CHN1: variants seen among roughly 807,000 people sequenced by gnomAD.
CHN1 encodes N-chimaerin.
CHN1 carries 37 observed loss-of-function variants against 59.5 expected under a neutral mutation model. The ratio of observed to expected loss-of-function variants is 0.62; its 90% CI spans 0.48 to 0.82. The LOEUF is 0.82. Ranked by LOEUF, CHN1 falls within the 40% of genes least tolerant of loss-of-function variation. The pLI, the probability that CHN1 is intolerant of heterozygous loss-of-function variation, is 0.00. For synonymous variants in CHN1, 206 were observed against 200.4 expected (o/e 1.03, Z -0.24); for missense variants, 469 against 571.0 (o/e 0.82, Z 1.82).
At chr2:174,892,509 G>C (rs1316179195) in intron 5 of CHN1, among the ~76,000 whole-genome samples, 1 of 152,168 alleles carries the variant, frequency 6.6e-6, no homozygotes, top group African/African-American at 2.4e-5. Context: ...GATGCCAGTA[G>C]TATGAGAAAT....
chr2:174,812,253 G>C, intron 9 of CHN1, 56 bp downstream of exon 9: 2 of 1,488,078 alleles, frequency 1.3e-6, no homozygotes, highest in Non-Finnish European at 1.8e-6. Flanking sequence ...AAAGGCATCA[G>C]GATTGGTACT....
intron 6 of CHN1, among the ~76,000 whole-genome samples, chr2:174,848,420 G>A (rs986880453): frequency 1.3e-5 from 2 of 152,128 alleles, no homozygotes; most frequent in African/African-American, 4.8e-5. Context: ...TCACTAAGGT[G>A]CTACAGGATG....
intron 8 of CHN1, chr2:174,821,857 C>T: frequency 3.0e-6 from 1 of 332,006 alleles, no homozygotes; most frequent in South Asian, 2.3e-5. Context: ...AACTCCCCAT[C>T]TCAATATCCT....
intron 10 of CHN1, 55 bp from the exon 11 acceptor site, chr2:174,809,097 T>G (rs1047986721): frequency 6.8e-7 from 1 of 1,462,280 alleles, no homozygotes; most frequent in African/African-American, 1.4e-5. Flanking sequence ...CAGCACTGTT[T>G]TAATGAATGA....
Position 174,961,628 on chromosome 2 carries a change from A to T in CHN1, c.20-9426T>A, listed in dbSNP as rs904035917. On this transcript the variant is annotated intron_variant, in intron 1 of 12. Transcript: ENST00000409900. ...AATAAATAAAAATAAAAATAAAATT[A>T]AAAAAATAAAAATAATAAGCCTATT... is the stretch of plus-strand genomic sequence containing the variant. 8.6e-5 allele frequency among the ~76,000 whole-genome samples: 13 copies of T among 151,852 alleles called. 1 individual carries two copies. Among genetic ancestry groups the T allele is most frequent in the Admixed American group, 3.3e-4 (5 of 15,280 alleles).
chr2:174,818,802 G>A (rs1178436470), intron 8 of CHN1, among the ~76,000 whole-genome samples: 1 of 151,990 alleles, frequency 6.6e-6, no homozygotes, highest in Non-Finnish European at 1.5e-5. Context: ...ATTACTTTCA[G>A]ACTTTCTGGG....
At chr2:174,806,718 G>T (rs1684896243) in intron 11 of CHN1, among the ~76,000 whole-genome samples, 1 of 152,148 alleles carries the variant, frequency 6.6e-6, no homozygotes, top group East Asian at 1.9e-4. Context: ...TGCTCGGCAG[G>T]ATTCATGGCA....
At chr2:174,975,216 T>A (rs1048539013) in intron 1 of CHN1, among the ~76,000 whole-genome samples, 2 of 152,156 alleles carry the variant, frequency 1.3e-5, no homozygotes, top group Non-Finnish European at 2.9e-5. Flanking sequence ...AAGTACTTCC[T>A]CTAAAAGGGA....
At chr2:174,865,661 G>C (rs1364061451) in intron 6 of CHN1, among the ~76,000 whole-genome samples, 1 of 152,120 alleles carries the variant, frequency 6.6e-6, no homozygotes, top group Non-Finnish European at 1.5e-5. Flanking sequence ...TAGGGAGCTA[G>C]AACAGACTTT....
intron 2 of CHN1, among the ~76,000 whole-genome samples, chr2:174,946,901 A>G (rs1260970078): frequency 1.0e-3 from 4 of 3,976 alleles, no homozygotes; most frequent in African/African-American, 1.2e-3. Context: ...TAAAAAATGT[A>G]AAAAAAAAAA....
At chr2:174,905,267 A>G (rs937084267) in intron 5 of CHN1, among the ~76,000 whole-genome samples, 2 of 152,204 alleles carry the variant, frequency 1.3e-5, no homozygotes, top group Admixed American at 1.3e-4. Context: ...CACACCTGAG[A>G]TTCTAGTTCT....
intron 5 of CHN1, among the ~76,000 whole-genome samples, chr2:174,901,830 G>C (rs1022496948): frequency 3.3e-5 from 5 of 152,082 alleles, no homozygotes; most frequent in Non-Finnish European, 1.5e-5. Flanking sequence ...GTTACTGATA[G>C]ACCTACATTT....
chr2:174,801,799 C>T lies in CHN1; in HGVS notation c.1116G>A (p.Pro372=), dbSNP rs757698618. ...KFIESAKIMD[P]DEQLETLHEA... ...CATGAAGGGTTTCCAATTGCTCATC[C>T]GGATCCATAATTTCTAAAATAGCAA... is the stretch of plus-strand genomic sequence containing the variant. The change falls in exon 12 of 13, where the codon CCG becomes CCA. Residue 372 remains proline (P), a synonymous_variant. Transcript: ENST00000409900. The T allele has an allele frequency of 5.5e-5, 89 of 1,612,168 alleles. No homozygotes were observed. The South Asian group carries it at 6.9e-4, about 13-fold the overall frequency.
intron 8 of CHN1, 68 bp downstream of exon 8, chr2:174,824,366 T>C (rs1263270697): frequency 4.1e-6 from 5 of 1,212,778 alleles, no homozygotes; most frequent in East Asian, 2.6e-5. Context: ...TAACAACAAG[T>C]CTCCTTCTAC....
At chr2:174,868,772 G>A (rs924904104) in intron 6 of CHN1, among the ~76,000 whole-genome samples, 3 of 152,174 alleles carry the variant, frequency 2.0e-5, no homozygotes, top group Admixed American at 2.0e-4. Context: ...CAGGACAGTT[G>A]AGTGGGCTGC....
At chr2:174,853,104 C>G (rs1197743667) in intron 6 of CHN1, among the ~76,000 whole-genome samples, 1 of 152,096 alleles carries the variant, frequency 6.6e-6, no homozygotes, top group African/African-American at 2.4e-5. Flanking sequence ...GGGCCTAATT[C>G]AACCGAAGAG....
Position 175,005,173 on chromosome 2 carries a change from T to C in CHN1, c.-261A>G. The C allele has an allele frequency of 1.6e-6, 2 of 1,275,214 alleles. No individual in the cohort carries two copies. Among genetic ancestry groups the C allele is most frequent in the South Asian group, 3.8e-5 (2 of 52,428 alleles). 79.0% of individuals were successfully genotyped at this position (1,275,214 alleles called of 1,614,324 possible). On this transcript the variant is annotated 5_prime_UTR_variant, in exon 1 of 13. The change abolishes an upstream ATG in the 5' untranslated region. Transcript: ENST00000409900. Reference sequence around the variant, plus strand: ...CGCGAGCCGGCACTTGTCGCTGCCATCAGGCGCGGAGCGTGCGCGCGGGAG... The same window carrying C: ...CGCGAGCCGGCACTTGTCGCTGCCACCAGGCGCGGAGCGTGCGCGCGGGAG...
At chr2:174,964,810 T>C (rs1483154740) in intron 1 of CHN1, among the ~76,000 whole-genome samples, 1 of 152,252 alleles carries the variant, frequency 6.6e-6, no homozygotes, top group Non-Finnish European at 1.5e-5. Context: ...GAAAACCTTA[T>C]CTAAACATAT....
At chr2:174,977,621 T>C (rs1690990039) in intron 1 of CHN1, among the ~76,000 whole-genome samples, 1 of 152,232 alleles carries the variant, frequency 6.6e-6, no homozygotes, top group African/African-American at 2.4e-5. Context: ...AATTCTTTTG[T>C]TTGATTTTTA....
Sources: gnomAD v4.1 joint callset for allele counts (sites outside exome capture counted in the v4.1 genomes callset) on GRCh38, gnomAD v4.1.1 for gene constraint, MANE v1.5 for transcripts, NCBI Gene and HGNC (gene_info 2026-07-23, HGNC 2026-07-21) for gene names.